The following DYNC1I1 variants were observed in gnomAD, a reference collection of about 807,000 sequenced individuals.
DYNC1I1 encodes dynein cytoplasmic 1 intermediate chain 1.
Under a neutral mutation model 86.6 loss-of-function variants are expected in DYNC1I1, and 43 were observed. The ratio of observed to expected loss-of-function variants is 0.50; its 90% CI spans 0.39 to 0.64. DYNC1I1 has a LOEUF of 0.64. DYNC1I1 is among the 30% of genes least tolerant of loss of function. DYNC1I1 has a pLI of 0.00. For missense variants in DYNC1I1, 604 were observed against 788.8 expected, an observed-to-expected ratio of 0.77 and a Z score of 2.81; for synonymous variants, 262 against 283.7, an observed-to-expected ratio of 0.92 and a Z score of 0.77.
At chr7:96,107,869 G>GTTTT (rs1178550637) in intron 16 of DYNC1I1, among the ~76,000 whole-genome samples, 3 of 119,066 alleles carry the variant, frequency 2.5e-5, no homozygotes, top group Admixed American at 8.7e-5. Context: ...TCATTGACAG[G>GTTTT]TTTTTTTTTT....
intron 14 of DYNC1I1, among the ~76,000 whole-genome samples, chr7:96,059,403 G>A (rs1444643291): frequency 1.3e-5 from 2 of 152,256 alleles, no homozygotes; most frequent in African/African-American, 2.4e-5. Flanking sequence ...AGAAAGGAGT[G>A]TAGTCTTATT....
At chr7:95,943,469 A>G (rs1047037717) in intron 6 of DYNC1I1, among the ~76,000 whole-genome samples, 3 of 145,440 alleles carry the variant, frequency 2.1e-5, no homozygotes, top group African/African-American at 7.5e-5. Flanking sequence ...TATAGATTCA[A>G]TGCCATCCCC....
At chr7:95,801,985 C>A in intron 1 of DYNC1I1, among the ~76,000 whole-genome samples, 1 of 152,212 alleles carries the variant, frequency 6.6e-6, no homozygotes, top group African/African-American at 2.4e-5. Flanking sequence ...CCCTCAGTCA[C>A]GGCTCTGCTT....
chr7:95,844,451 A>C (rs577759591), intron 5 of DYNC1I1, among the ~76,000 whole-genome samples: 25 of 152,334 alleles, frequency 1.6e-4, no homozygotes, highest in African/African-American at 5.5e-4. Flanking sequence ...AGACAAAACC[A>C]GTTCACTGAG....
At chr7:95,785,721 A>G (rs1404927880) in intron 1 of DYNC1I1, among the ~76,000 whole-genome samples, 1 of 146,946 alleles carries the variant, frequency 6.8e-6, no homozygotes, top group African/African-American at 2.5e-5. Flanking sequence ...TGTTGTATAT[A>G]TATGTGTGTG....
chr7:95,870,036 T>G, intron 6 of DYNC1I1, 38 bp downstream of exon 6: 44 of 1,547,252 alleles, frequency 2.8e-5, no homozygotes, highest in South Asian at 3.5e-5. Context: ...ATATTATCTC[T>G]GGAGAAATCG....
At chr7:95,988,028 C>T (rs888359303) in intron 9 of DYNC1I1, among the ~76,000 whole-genome samples, 4 of 152,164 alleles carry the variant, frequency 2.6e-5, no homozygotes, top group African/African-American at 9.7e-5. Context: ...TCATGCTTGT[C>T]CACATACAGT....
intron 1 of DYNC1I1, among the ~76,000 whole-genome samples, chr7:95,781,048 C>A (rs1303903280): frequency 6.6e-6 from 1 of 151,432 alleles, no homozygotes; most frequent in African/African-American, 2.4e-5. Flanking sequence ...AAAAGTGTGA[C>A]TTTGTTCACT....
At chr7:95,942,442 T>C (rs1427223939) in intron 6 of DYNC1I1, among the ~76,000 whole-genome samples, 1 of 152,088 alleles carries the variant, frequency 6.6e-6, no homozygotes, top group South Asian at 2.1e-4. Context: ...CTACCAGAGG[T>C]ACAAGGAGGA....
chr7:96,074,072 A>G (rs1037477280), intron 14 of DYNC1I1, among the ~76,000 whole-genome samples: 2 of 152,238 alleles, frequency 1.3e-5, no homozygotes, highest in Non-Finnish European at 2.9e-5. Flanking sequence ...AAAGAATTAT[A>G]GAATCATAAA....
intron 1 of DYNC1I1, among the ~76,000 whole-genome samples, chr7:95,801,475 C>A (rs934891298): frequency 6.6e-6 from 1 of 152,050 alleles, no homozygotes; most frequent in Non-Finnish European, 1.5e-5. Flanking sequence ...CCTTAATAAC[C>A]ATAAATATTG....
At chr7:95,922,413 T>C (rs916902745) in intron 6 of DYNC1I1, among the ~76,000 whole-genome samples, 8 of 152,160 alleles carry the variant, frequency 5.3e-5, no homozygotes, top group Admixed American at 3.3e-4. Context: ...TTGAGCTGTT[T>C]AACTAAGGAA....
intron 6 of DYNC1I1, among the ~76,000 whole-genome samples, chr7:95,910,315 A>T (rs1562941008): frequency 2.0e-5 from 3 of 152,168 alleles, no homozygotes; most frequent in Non-Finnish European, 4.4e-5. Flanking sequence ...AGCTTCCTAA[A>T]TGCTACCCCC....
intron 2 of DYNC1I1, among the ~76,000 whole-genome samples, chr7:95,807,769 C>T (rs1194491583): frequency 6.6e-6 from 1 of 152,124 alleles, no homozygotes; most frequent in African/African-American, 2.4e-5. Context: ...GATACCTTTA[C>T]CCATAACTAG....
chr7:95,853,117 A>G (rs1256235375), intron 5 of DYNC1I1, among the ~76,000 whole-genome samples: 1 of 152,148 alleles, frequency 6.6e-6, no homozygotes, highest in Non-Finnish European at 1.5e-5. Flanking sequence ...ACCATTGTGG[A>G]CAGAAAAGAT....
intron 6 of DYNC1I1, among the ~76,000 whole-genome samples, chr7:95,954,915 CAAAAA>C (rs58435060): frequency 1.2e-5 from 1 of 81,876 alleles, no homozygotes; most frequent in Non-Finnish European, 2.2e-5. Context: ...GACTCTGTCT[CAAAAA>C]AAAAAAAAAA....
intron 15 of DYNC1I1, among the ~76,000 whole-genome samples, chr7:96,079,173 A>T (rs1026063840): frequency 1.3e-5 from 2 of 152,166 alleles, no homozygotes; most frequent in African/African-American, 4.8e-5. Context: ...TATTGGGTCA[A>T]TAATTTCGTA....
chr7:96,056,517 A>G (rs1322850785), intron 14 of DYNC1I1, among the ~76,000 whole-genome samples: 1 of 152,156 alleles, frequency 6.6e-6, no homozygotes, highest in Non-Finnish European at 1.5e-5. Flanking sequence ...TCTCTGAGGT[A>G]GGTCTCTCCC....
At chr7:96,048,469 A>G (rs1789287183) in intron 14 of DYNC1I1, among the ~76,000 whole-genome samples, 1 of 152,160 alleles carries the variant, frequency 6.6e-6, no homozygotes, top group African/African-American at 2.4e-5. Flanking sequence ...GGCTTATTAG[A>G]GATGCAAACC....
Sources: gnomAD v4.1 joint callset for allele counts (sites outside exome capture counted in the v4.1 genomes callset) on GRCh38, gnomAD v4.1.1 for gene constraint, MANE v1.5 for transcripts, NCBI Gene and HGNC (gene_info 2026-07-23, HGNC 2026-07-21) for gene names.